RYR3: variants seen among roughly 807,000 people sequenced by gnomAD.
RYR3 encodes the protein ryanodine receptor 3, also known as brain ryanodine receptor-calcium release channel.
Under a neutral mutation model 584.3 loss-of-function variants are expected in RYR3, and 207 were observed. The ratio of observed to expected loss-of-function variants is 0.35; its 90% CI spans 0.32 to 0.40. RYR3 has a LOEUF of 0.40. RYR3 is among the 10% of genes least tolerant of loss of function. The probability of loss-of-function intolerance (pLI) is 1.00; values close to 1 mark genes in which losing one functional copy is unlikely to be tolerated. For synonymous variants in RYR3, 2,416 were observed against 2,248.5 expected (o/e 1.07, Z -2.11); for missense variants, 5,616 against 6,089.2 (o/e 0.92, Z 2.59).
Position 33,844,784 on chromosome 15 carries a change from A to C in RYR3, c.13297-78A>C, listed in dbSNP as rs1384950461. 7.1e-6 allele frequency: 9 copies of C among 1,259,978 alleles called. No individual in the cohort carries two copies. The African/African-American group carries it at 1.2e-4, about 17-fold the overall frequency. 78.0% of individuals were successfully genotyped at this position (1,259,978 alleles called of 1,614,324 possible). Reference sequence around the variant, plus strand: ...TACTATTTGTATAGCACATGCTAACAATATAAAATATGTGGGGAGAGCCCA... The same window carrying C: ...TACTATTTGTATAGCACATGCTAACCATATAAAATATGTGGGGAGAGCCCA... On this transcript the variant is annotated intron_variant, in intron 92 of 103. Coordinates refer to ENST00000634891, the MANE Select transcript of RYR3 (RefSeq NM_001036.6).
intron 2 of RYR3, among the ~76,000 whole-genome samples, chr15:33,499,247 T>G (rs949927092): frequency 5.4e-5 from 8 of 149,482 alleles, no homozygotes; most frequent in African/African-American, 1.2e-4. Flanking sequence ...TCTTTACCTC[T>G]TTTCGCTCCA....
chr15:33,431,034 A>C (rs1250630789), intron 1 of RYR3, among the ~76,000 whole-genome samples: 1 of 152,230 alleles, frequency 6.6e-6, no homozygotes, highest in Admixed American at 6.5e-5. Flanking sequence ...TGTCAAAGTG[A>C]ATTGCTCTAA....
Position 33,523,155 on chromosome 15 carries a change from C to T in RYR3, c.280-7437C>T, listed in dbSNP as rs188481125. Among the ~76,000 whole-genome samples the T allele has an allele frequency of 2.0e-5, 3 of 152,172 alleles. No individual in the cohort carries two copies. The East Asian group carries it at 5.8e-4, about 29-fold the overall frequency. ...AAAGGATTGTAAACACACCAATCAG[C>T]ACTCTGTAAAATGGACCAATCAGCA... On this transcript the variant is annotated intron_variant, in intron 3 of 103. Transcript: ENST00000634891.
intron 1 of RYR3, 151 bp from the exon 2 acceptor site, chr15:33,473,268 A>C (rs2049084212): frequency 4.4e-6 from 4 of 903,484 alleles, no homozygotes; most frequent in Non-Finnish European, 7.3e-6. Flanking sequence ...TGAATAAAAA[A>C]TCTCCTTCCG....
At chr15:33,827,104 C>A in intron 84 of RYR3, 95 bp from the exon 85 acceptor site, 2 of 1,039,864 alleles carry the variant, frequency 1.9e-6, no homozygotes, top group Non-Finnish European at 2.9e-6. Flanking sequence ...TAAGCCTTTT[C>A]ACATAGAATG....
chr15:33,578,771 A>AAAAAC (rs1555536812), intron 12 of RYR3, among the ~76,000 whole-genome samples: 4 of 142,762 alleles, frequency 2.8e-5, no homozygotes, highest in Admixed American at 6.8e-5. Flanking sequence ...AGAATAAAAA[A>AAAAAC]AAAAAAACAA....
At chr15:33,349,364 C>G (rs1451622606) in intron 1 of RYR3, among the ~76,000 whole-genome samples, 2 of 152,052 alleles carry the variant, frequency 1.3e-5, no homozygotes, top group Non-Finnish European at 2.9e-5. Context: ...AACTGTCTTC[C>G]AAAGTGGCTG....
rs28582692 is a variant in RYR3, at chr15:33,321,688, G to T, written c.51+10592G>T. The stretch of plus-strand genomic sequence containing the variant: ...GAAAACTTAATTGGACTTAATAGAC[G>T]GGAAATTTAATAATAATACAAAAAA... On this transcript the variant is annotated intron_variant, in intron 1 of 103. Coordinates refer to ENST00000634891, the MANE Select transcript of RYR3 (RefSeq NM_001036.6). 1.8e-4 allele frequency among the ~76,000 whole-genome samples: 28 copies of T among 151,990 alleles called. No homozygotes were observed. The South Asian group carries it at 5.6e-3, about 30-fold the overall frequency.
Position 33,756,295 on chromosome 15 carries a change from T to C in RYR3, c.8516-11T>C, listed in dbSNP as rs1235721638. ...ACTCTGGCCAACTTTGTGTTACCTG[T>C]GTCTTCGTAGAAGCCATTGTCAGCA... is the stretch of plus-strand genomic sequence containing the variant. On this transcript the variant is annotated splice_polypyrimidine_tract_variant and intron_variant, in intron 58 of 103. Coordinates refer to ENST00000634891, the MANE Select transcript of RYR3 (RefSeq NM_001036.6). The C allele has an allele frequency of 1.3e-6, 2 of 1,566,812 alleles. No homozygotes were observed. The highest frequency in any genetic ancestry group is 2.3e-5 in the East Asian group (1 of 42,794).
At chr15:33,846,652 G>T (rs1459484335) in intron 93 of RYR3, among the ~76,000 whole-genome samples, 4 of 152,108 alleles carry the variant, frequency 2.6e-5, no homozygotes, top group Admixed American at 2.6e-4. Flanking sequence ...CAGCTACTGT[G>T]CTGCAGAGAC....
intron 62 of RYR3, among the ~76,000 whole-genome samples, chr15:33,769,411 A>T (rs191196350): frequency 6.6e-6 from 1 of 152,296 alleles, no homozygotes; most frequent in Non-Finnish European, 1.5e-5. Flanking sequence ...CCTTCCTAAG[A>T]AGTTTGTCTT....
At position 33,533,357 on chromosome 15, in the gene RYR3, C is replaced by G; in HGVS notation, c.401C>G (p.Ala134Gly). Residue 134 changes from alanine to glycine, a missense_variant, in exon 5 of 104, where the codon GCC (alanine) becomes GGC (glycine). This residue lies in a region of RYR3 where 1,284 missense variants were observed against 1,344.6 expected (regional missense o/e 0.95). Coordinates refer to ENST00000634891, the MANE Select transcript of RYR3 (RefSeq NM_001036.6). ...TTSRSQTDKL[A>G]FDVGLREHAT... ...TCAAGATCCCAGACAGACAAACTTG[C>G]CTTTGATGTAGGTCTACGGGAACAT... is the stretch of plus-strand genomic sequence containing the variant. 2 of 1,609,144 alleles carry G rather than the reference C, an allele frequency of 1.2e-6. No homozygotes were observed. Among genetic ancestry groups the G allele is most frequent in the South Asian group, 2.2e-5 (2 of 89,586 alleles).
chr15:33,841,271 T>G (rs1233798826), intron 90 of RYR3, among the ~76,000 whole-genome samples: 1 of 152,188 alleles, frequency 6.6e-6, no homozygotes, highest in African/African-American at 2.4e-5. Flanking sequence ...CATCTGATAT[T>G]CTGTCGCTAT....
At chr15:33,449,272 G>C (rs1247192706) in intron 1 of RYR3, among the ~76,000 whole-genome samples, 1 of 152,144 alleles carries the variant, frequency 6.6e-6, no homozygotes, top group Non-Finnish European at 1.5e-5. Context: ...CAGACCTCTG[G>C]TCCTCACTGG....
chr15:33,385,398 C>T (rs1459633984), intron 1 of RYR3, among the ~76,000 whole-genome samples: 1 of 152,058 alleles, frequency 6.6e-6, no homozygotes, highest in Non-Finnish European at 1.5e-5. Flanking sequence ...TACTTCAGTT[C>T]GACTGATTAT....
chr15:33,797,119 G>A (rs1363634364), intron 67 of RYR3, among the ~76,000 whole-genome samples: 1 of 152,154 alleles, frequency 6.6e-6, no homozygotes, highest in East Asian at 1.9e-4. Flanking sequence ...GGATGGAGCT[G>A]AGGGATGAGA....
chr15:33,538,444 G>T lies in RYR3; in HGVS notation c.434-906G>T, dbSNP rs181581303. ...AGGAGCTGGGGTTTTACTAATCAGG[G>T]TATAAAGTTTGAATTCTGTTTTCAG... is the stretch of plus-strand genomic sequence containing the variant. On this transcript the variant is annotated intron_variant, in intron 5 of 103. Transcript: ENST00000634891. Among the ~76,000 whole-genome samples, 10 of 152,222 alleles carry T rather than the reference G, an allele frequency of 6.6e-5. No individual in the cohort carries two copies. In the East Asian group the frequency reaches 1.5e-3, roughly 24 times the overall value.
chr15:33,802,622 C>G (rs1301452952), intron 69 of RYR3, among the ~76,000 whole-genome samples: 1 of 152,186 alleles, frequency 6.6e-6, no homozygotes, highest in Non-Finnish European at 1.5e-5. Flanking sequence ...TGCGTCGGCT[C>G]TGCACGCTGA....
chr15:33,712,599 A>G (rs936725478), intron 43 of RYR3, among the ~76,000 whole-genome samples: 1 of 152,220 alleles, frequency 6.6e-6, no homozygotes, highest in African/African-American at 2.4e-5. Flanking sequence ...TTTGCAGTCC[A>G]TTGGTAGCTC....
Sources: gnomAD v4.1 joint callset for allele counts (sites outside exome capture counted in the v4.1 genomes callset) on GRCh38, gnomAD v4.1.1 for gene constraint, gnomAD v4.1.1 regional missense constraint, MANE v1.5 for transcripts, NCBI Gene and HGNC (gene_info 2026-07-23, HGNC 2026-07-21) for gene names.